Variants in COMMD8 observed in about 807,000 individuals in gnomAD.
COMMD8 encodes COMM domain-containing protein 8.
Under a neutral mutation model 27.2 loss-of-function variants are expected in COMMD8, and 28 were observed. The ratio of observed to expected loss-of-function variants is 1.03; its 90% CI spans 0.76 to 1.41. The LOEUF (loss-of-function observed/expected upper bound fraction) is 1.41, where lower values mean the gene tolerates loss of function less well. Among genes scored for constraint, COMMD8 ranks in the 40% most tolerant of loss-of-function variants. The pLI is 0.00. For synonymous variants in COMMD8, 79 were observed against 75.5 expected (o/e 1.05, Z -0.24); for missense variants, 217 against 211.2 (o/e 1.03, Z -0.17).
intron 1 of COMMD8, among the ~76,000 whole-genome samples, chr4:47,462,609 C>T (rs1730088581): frequency 6.6e-6 from 1 of 151,964 alleles, no homozygotes; most frequent in East Asian, 1.9e-4. Context: ...AAGTCATCGA[C>T]ATATATGGTA....
chr4:47,463,532 C>G lies in COMMD8; in HGVS notation c.66+54G>C, dbSNP rs1055233236. 2.5e-5 allele frequency: 38 copies of G among 1,503,138 alleles called. No individual in the cohort carries two copies. In the Admixed American group the frequency reaches 4.3e-4, roughly 17 times the overall value. The allele number at this position is 1,503,138 out of a possible 1,614,324, so 93.1% of individuals were successfully genotyped here. A position where few individuals can be genotyped will look rare whatever the true frequency, so the allele number is the denominator to read the frequency against. On this transcript the variant is annotated intron_variant, in intron 1 of 4. Coordinates refer to ENST00000381571, the MANE Select transcript of COMMD8 (RefSeq NM_017845.5). ...GTCGCACCCGGCCTGATCCGCACGCCGGGCTGTCGCGAATCCCAGGCCCCG... is the reference window on the plus strand; with the variant it reads ...GTCGCACCCGGCCTGATCCGCACGCGGGGCTGTCGCGAATCCCAGGCCCCG...
chr4:47,458,900 G>A (rs1729954102), intron 2 of COMMD8, among the ~76,000 whole-genome samples: 1 of 152,056 alleles, frequency 6.6e-6, no homozygotes, highest in Non-Finnish European at 1.5e-5. Context: ...AATAAAGGCA[G>A]CACAGCAATA....
At chr4:47,456,982 T>G (rs191671299) in intron 2 of COMMD8, among the ~76,000 whole-genome samples, 8 of 152,196 alleles carry the variant, frequency 5.3e-5, no homozygotes, top group Non-Finnish European at 1.0e-4. Context: ...ACACCAAAGC[T>G]GATACCACCA....
In COMMD8 at chr4:47,460,193, A is replaced by C. The variant is rs114141818; in HGVS notation, c.173T>G (p.Ile58Ser). 4,007 of 1,613,704 alleles carry C rather than the reference A, an allele frequency of 2.5e-3. 92 individuals carry two copies. The African/African-American group carries it at 0.049, about 20-fold the overall frequency. ...AACTATGGCTTTGAAAAATTTGGCA[A>C]TATCTTCTAAAACGTGCATCCATTC... is the stretch of plus-strand genomic sequence containing the variant. ...SEEWMHVLED[I>S]AKFFKAIVGK... The change falls in exon 2 of 5, where the codon ATT (isoleucine) becomes AGT (serine). Residue 58 changes from isoleucine (I) to serine (S), a missense_variant. Physicochemically the swap from Ile to Ser is moderately radical, Grantham distance 142. Transcript: ENST00000381571.
intron 1 of COMMD8, among the ~76,000 whole-genome samples, chr4:47,461,096 A>C (rs1490230402): frequency 6.6e-6 from 1 of 152,206 alleles, no homozygotes; most frequent in Non-Finnish European, 1.5e-5. Flanking sequence ...GAATACGTGC[A>C]AATCACTTGG....
At chr4:47,451,781 G>T in intron 4 of COMMD8, 116 bp from the exon 5 acceptor site, 1 of 678,890 alleles carries the variant, frequency 1.5e-6, no homozygotes. Context: ...TAACAAGCAA[G>T]TACAATGCAC....
intron 1 of COMMD8, among the ~76,000 whole-genome samples, chr4:47,460,719 T>C (rs1730002984): frequency 6.6e-6 from 1 of 152,108 alleles, no homozygotes; most frequent in African/African-American, 2.4e-5. Flanking sequence ...TTGCCCAGGC[T>C]GGCCTTGAAC....
intron 3 of COMMD8, among the ~76,000 whole-genome samples, chr4:47,453,417 T>C (rs1240780338): frequency 1.3e-5 from 2 of 151,914 alleles, no homozygotes; most frequent in Admixed American, 1.3e-4. Context: ...GGAGAGGAAA[T>C]CGGTAGGAAA....
intron 3 of COMMD8, among the ~76,000 whole-genome samples, chr4:47,456,172 G>A (rs372412241): frequency 1.1e-4 from 16 of 151,038 alleles, no homozygotes; most frequent in South Asian, 8.4e-4. Context: ...GCTTGAACCC[G>A]GGAGGCAGAA....
chr4:47,453,597 G>C (rs7656397), intron 3 of COMMD8, among the ~76,000 whole-genome samples: 6,568 of 152,210 alleles, frequency 0.043, 454 homozygotes, highest in African/African-American at 0.15. Context: ...ACCAAAAATA[G>C]TGGTAAACTC....
intron 1 of COMMD8, among the ~76,000 whole-genome samples, chr4:47,462,044 G>A (rs1443084253): frequency 6.6e-6 from 1 of 152,064 alleles, no homozygotes; most frequent in African/African-American, 2.4e-5. Flanking sequence ...GGGGTGCCTA[G>A]GGGGTGACAG....
At position 47,456,701 on chromosome 4, in the gene COMMD8, G is replaced by A. The variant is rs1291502355; in HGVS notation, c.251C>T (p.Ser84Leu). 6.3e-7 allele frequency: 1 copy of A among 1,596,752 alleles called. No homozygotes were observed. The change falls in exon 3 of 5, where the codon TCA becomes TTA. Residue 84 changes from serine (S) to leucine (L), a missense_variant. Coordinates refer to ENST00000381571, the MANE Select transcript of COMMD8 (RefSeq NM_017845.5). ...TTTCATGATAGTTTCTTGATGAAGT[G>A]AATTCAACTGATTCAACTGCTGAAA... ...EIFQQLNQLN[S>L]LHQETIMKCV... is the part of the protein sequence containing the mutation.
intron 1 of COMMD8, among the ~76,000 whole-genome samples, chr4:47,460,611 A>T (rs1418913973): frequency 1.3e-5 from 2 of 152,204 alleles, no homozygotes; most frequent in East Asian, 3.8e-4. Flanking sequence ...AAAGGATAGG[A>T]CTTATATCAA....
At chr4:47,453,666 T>C (rs1168896663) in intron 3 of COMMD8, among the ~76,000 whole-genome samples, 2 of 152,232 alleles carry the variant, frequency 1.3e-5, no homozygotes, top group African/African-American at 2.4e-5. Flanking sequence ...GATAAATATG[T>C]TATCAAGATA....
chr4:47,457,677 TA>T (rs1228722852), intron 2 of COMMD8, among the ~76,000 whole-genome samples: 1 of 151,946 alleles, frequency 6.6e-6, no homozygotes, highest in Non-Finnish European at 1.5e-5. Context: ...TGAGAAAAGG[TA>T]ACCAAAAAAT....
chr4:47,454,521 G>C (rs1255538825), intron 3 of COMMD8, among the ~76,000 whole-genome samples: 3 of 151,942 alleles, frequency 2.0e-5, no homozygotes, highest in African/African-American at 7.2e-5. Flanking sequence ...AATACACTAA[G>C]AAGATATTAT....
chr4:47,456,863 AG>A (rs2109355730), intron 2 of COMMD8, 134 bp from the exon 3 acceptor site: 1 of 639,604 alleles, frequency 1.6e-6, no homozygotes, highest in African/African-American at 1.9e-5. Flanking sequence ...AAAAAGAGTA[AG>A]ATGAGAATGA....
At chr4:47,452,500 G>C (rs1729777507) in intron 4 of COMMD8, among the ~76,000 whole-genome samples, 1 of 152,102 alleles carries the variant, frequency 6.6e-6, no homozygotes, top group African/African-American at 2.4e-5. Flanking sequence ...AAGAAATTCA[G>C]CTGTTAGAAT....
chr4:47,457,076 T>C (rs1391418397), intron 2 of COMMD8, among the ~76,000 whole-genome samples: 3 of 152,184 alleles, frequency 2.0e-5, no homozygotes, highest in African/African-American at 4.8e-5. Context: ...ATTTGAATAG[T>C]TGAGATTTCA....
Sources: gnomAD v4.1 joint callset for allele counts (sites outside exome capture counted in the v4.1 genomes callset) on GRCh38, gnomAD v4.1.1 for gene constraint, MANE v1.5 for transcripts, NCBI Gene and HGNC (gene_info 2026-07-23, HGNC 2026-07-21) for gene names.